The following PAX5 variants were observed in gnomAD, a reference collection of about 807,000 sequenced individuals.
PAX5 encodes paired box 5.
In PAX5, 9 loss-of-function variants were observed where a neutral mutation model predicts 43.7. The ratio of observed to expected loss-of-function variants is 0.21; its 90% confidence interval spans 0.12 to 0.36. PAX5 has a LOEUF of 0.36. Among genes scored for constraint, PAX5 ranks in the 10% least tolerant of loss-of-function variants. The pLI, the probability that PAX5 is intolerant of heterozygous loss-of-function variation, is 1.00. For synonymous variants in PAX5, 228 were observed against 214.3 expected, an observed-to-expected ratio of 1.06 and a Z score of -0.56; for missense variants, 383 against 532.7, an observed-to-expected ratio of 0.72 and a Z score of 2.77.
At chr9:36,956,182 C>T (rs1833463028) in intron 6 of PAX5, among the ~76,000 whole-genome samples, 1 of 152,186 alleles carries the variant, frequency 6.6e-6, no homozygotes, top group Non-Finnish European at 1.5e-5. Flanking sequence ...CCACACAACA[C>T]AGCACAGGTG....
At position 36,882,125 on chromosome 9, in the gene PAX5, A is replaced by T. The variant is rs1490977199; in HGVS notation, c.911-20T>A. The stretch of plus-strand genomic sequence containing the variant: ...CACGGCCTGAGGAATCAAAGCAACA[A>T]ATCACAGGGTGAGCATCTTCGCGGC... On this transcript the variant is annotated intron_variant, in intron 7 of 9. Transcript: ENST00000358127. The surrounding 1 kb of genome is among the most constrained non-coding windows in gnomAD (Gnocchi z 4.4). 4 of 1,559,892 alleles carry T rather than the reference A, an allele frequency of 2.6e-6. No homozygotes were observed. The highest frequency in any genetic ancestry group is 3.5e-6 in the Non-Finnish European group (4 of 1,145,118).
intron 8 of PAX5, among the ~76,000 whole-genome samples, chr9:36,852,593 G>A (rs892940398): frequency 1.2e-4 from 18 of 152,236 alleles, no homozygotes; most frequent in East Asian, 7.7e-4. Flanking sequence ...TGAGGAGGAC[G>A]CGGAGCAGAG....
chr9:36,849,618 C>T (rs1311805036), intron 8 of PAX5, among the ~76,000 whole-genome samples: 1 of 152,234 alleles, frequency 6.6e-6, no homozygotes. Context: ...GTTATTAGCA[C>T]CCACAGCCAG....
Position 36,880,871 on chromosome 9 carries a change from C to T in PAX5, c.1012+1133G>A, listed in dbSNP as rs1244139789. Among the ~76,000 whole-genome samples, 2 of 152,328 alleles carry T rather than the reference C, an allele frequency of 1.3e-5. 1 individual carries two copies. Among genetic ancestry groups the T allele is most frequent in the East Asian group, 3.9e-4 (2 of 5,186 alleles). On this transcript the variant is annotated intron_variant, in intron 8 of 9. Transcript: ENST00000358127. ...GGGATTACAGGCATGAGCCACTGTGCCCGGCCCAGTCTGGCTTTTTTAGGT... is the reference window on the plus strand; with the variant it reads ...GGGATTACAGGCATGAGCCACTGTGTCCGGCCCAGTCTGGCTTTTTTAGGT...
intron 7 of PAX5, among the ~76,000 whole-genome samples, chr9:36,922,200 A>G (rs1479235065): frequency 6.6e-6 from 1 of 152,070 alleles, no homozygotes; most frequent in East Asian, 1.9e-4. Flanking sequence ...GCTTTGGCCT[A>G]AGTGACCCCC....
At chr9:36,878,017 C>T (rs1383594552) in intron 8 of PAX5, among the ~76,000 whole-genome samples, 1 of 152,130 alleles carries the variant, frequency 6.6e-6, no homozygotes, top group Non-Finnish European at 1.5e-5. Flanking sequence ...GCAGCTGCAG[C>T]CAGGGAATGC....
At position 36,862,212 on chromosome 9, in the gene PAX5, TTCTAA is replaced by T. The variant is rs1824284643; in HGVS notation, c.1013-15288_1013-15284del. ...GGTCCCTACGGGGTTGTGGTGAGGA[TTCTAA>T]GAGAAGATGGGTGTGGAAGCTCTGG... On this transcript the variant is annotated intron_variant, in intron 8 of 9. Transcript: ENST00000358127. Among the ~76,000 whole-genome samples the T allele has an allele frequency of 2.0e-5, 3 of 152,210 alleles. No homozygotes were observed. In the South Asian group the frequency reaches 6.2e-4, roughly 32 times the overall value.
Position 37,015,792 on chromosome 9 carries a change from C to A in PAX5, c.213-598G>T, listed in dbSNP as rs915338028. On this transcript the variant is annotated intron_variant, in intron 2 of 9. Transcript: ENST00000358127. This position sits in a 1 kb window ranked among gnomAD's most constrained non-coding sequence, Gnocchi z 4.4. ...CGGGGGTTTCACCATGTTAGTCAGG[C>A]TGGTCTCGAACTCCCGACCTCAGGT... 2.6e-5 allele frequency among the ~76,000 whole-genome samples: 4 copies of A among 152,092 alleles called. No homozygotes were observed. Among genetic ancestry groups the A allele is most frequent in the Admixed American group, 6.5e-5 (1 of 15,276 alleles).
At chr9:36,856,730 G>A in intron 8 of PAX5, 1 of 151,982 alleles carries the variant, frequency 6.6e-6, no homozygotes, top group East Asian at 1.9e-4. Flanking sequence ...GCAGAGATGG[G>A]GTTTCACCAT....
At chr9:36,841,648 T>C (rs1293068688) in intron 9 of PAX5, among the ~76,000 whole-genome samples, 2 of 152,210 alleles carry the variant, frequency 1.3e-5, no homozygotes, top group African/African-American at 2.4e-5. Context: ...GAGCCATATG[T>C]GGCACCTGCT....
intron 6 of PAX5, among the ~76,000 whole-genome samples, chr9:36,961,762 A>T (rs1367635062): frequency 6.6e-6 from 1 of 152,180 alleles, no homozygotes; most frequent in Non-Finnish European, 1.5e-5. Context: ...GACAACGTCA[A>T]CGGGAGTTTT....
At chr9:36,892,185 G>A (rs1000610384) in intron 7 of PAX5, among the ~76,000 whole-genome samples, 1 of 152,218 alleles carries the variant, frequency 6.6e-6, no homozygotes, top group African/African-American at 2.4e-5. Flanking sequence ...TCCCTGCCAC[G>A]ACGGGGACTG....
intron 6 of PAX5, among the ~76,000 whole-genome samples, chr9:36,941,729 A>G (rs1001843415): frequency 1.5e-5 from 2 of 137,084 alleles, no homozygotes; most frequent in African/African-American, 5.4e-5. Flanking sequence ...CCACAAGTCA[A>G]GGTGATTCTG....
At chr9:36,953,441 G>A (rs551934661) in intron 6 of PAX5, among the ~76,000 whole-genome samples, 12 of 151,788 alleles carry the variant, frequency 7.9e-5, no homozygotes, top group East Asian at 3.9e-4. Context: ...TTCTCCTTCC[G>A]GCAACCTAAT....
At chr9:36,958,132 T>A (rs766028686) in intron 6 of PAX5, among the ~76,000 whole-genome samples, 1 of 152,186 alleles carries the variant, frequency 6.6e-6, no homozygotes, top group Non-Finnish European at 1.5e-5. Context: ...GCCCTGCCCC[T>A]GCAGAAATGC....
intron 3 of PAX5, among the ~76,000 whole-genome samples, chr9:37,011,144 A>AAAG (rs1554683213): frequency 2.1e-5 from 3 of 145,572 alleles, no homozygotes; most frequent in Admixed American, 6.8e-5. Flanking sequence ...AAAAAAAAAA[A>AAAG]AAAGAAAGAG....
chr9:36,923,128 T>C (rs909865969), intron 7 of PAX5: 1 of 490,984 alleles, frequency 2.0e-6, no homozygotes, highest in Non-Finnish European at 3.6e-6. Flanking sequence ...CAGCCCACAG[T>C]CCATTTGGCA....
At chr9:37,014,266 T>C (rs940312141) in intron 3 of PAX5, among the ~76,000 whole-genome samples, 8 of 152,248 alleles carry the variant, frequency 5.3e-5, no homozygotes, top group Non-Finnish European at 8.8e-5. Context: ...GCTGTGTGGC[T>C]GCCAGGAAGA....
chr9:36,843,200 A>G (rs1206781710), intron 9 of PAX5, among the ~76,000 whole-genome samples: 1 of 152,042 alleles, frequency 6.6e-6, no homozygotes, highest in African/African-American at 2.4e-5. Context: ...TAACAGGAGC[A>G]CCAAGGGACC....
Sources: gnomAD v4.1 joint callset for allele counts (sites outside exome capture counted in the v4.1 genomes callset) on GRCh38, gnomAD v4.1.1 for gene constraint, Gnocchi (gnomAD v3.1) non-coding constraint, MANE v1.5 for transcripts, NCBI Gene and HGNC (gene_info 2026-07-23, HGNC 2026-07-21) for gene names.